The following SVIL variants were observed in gnomAD, a reference collection of about 807,000 sequenced individuals.
SVIL encodes the protein archvillin.
In SVIL, 101 loss-of-function variants were observed where a neutral mutation model predicts 240.4. The ratio of observed to expected loss-of-function variants is 0.42; its 90% confidence interval spans 0.36 to 0.50. The LOEUF (loss-of-function observed/expected upper bound fraction) is 0.50, where lower values mean the gene tolerates loss of function less well. Among genes scored for constraint, SVIL ranks in the 20% least tolerant of loss-of-function variants. SVIL has a pLI of 0.01. For synonymous variants in SVIL, 999 were observed against 1,100.0 expected, an observed-to-expected ratio of 0.91 and a Z score of 1.82; for missense variants, 2,512 against 2,818.7, an observed-to-expected ratio of 0.89 and a Z score of 2.46.
chr10:29,609,305 TG>T (rs1263799206), intron 1 of SVIL, among the ~76,000 whole-genome samples: 2 of 152,184 alleles, frequency 1.3e-5, no homozygotes, highest in Non-Finnish European at 2.9e-5. Context: ...GCAACCCTTC[TG>T]GGGGCCCAGA....
chr10:29,503,470 CT>C (rs1949051989), intron 17 of SVIL, among the ~76,000 whole-genome samples: 1 of 152,122 alleles, frequency 6.6e-6, no homozygotes, highest in South Asian at 2.1e-4. Flanking sequence ...TGCTTTTTTT[CT>C]TCTCTGAACC....
At chr10:29,716,966 C>T (rs979435966) in intron 1 of SVIL, among the ~76,000 whole-genome samples, 3 of 152,208 alleles carry the variant, frequency 2.0e-5, no homozygotes, top group African/African-American at 4.8e-5. Flanking sequence ...AGCCGTGGCT[C>T]ACGCCTGTAA....
At chr10:29,523,382 C>T (rs1950687269) in intron 15 of SVIL, 69 bp downstream of exon 15, 1 of 1,431,932 alleles carries the variant, frequency 7.0e-7, no homozygotes, top group South Asian at 1.4e-5. Context: ...CCATCATAGA[C>T]ACAGGACAAA....
intron 1 of SVIL, among the ~76,000 whole-genome samples, chr10:29,720,023 T>C (rs1023045921): frequency 6.6e-6 from 1 of 152,084 alleles, no homozygotes; most frequent in African/African-American, 2.4e-5. Context: ...ACATTGCAAA[T>C]TGCTTAAAAC....
rs372986691 is a variant in SVIL, at chr10:29,679,199, C to T, written c.-301+7354G>A. 1.6e-3 allele frequency among the ~76,000 whole-genome samples: 236 copies of T among 152,170 alleles called. 1 individual carries two copies. Among genetic ancestry groups the T allele is most frequent in the African/African-American group, 5.4e-3 (226 of 41,502 alleles). On this transcript the variant is annotated intron_variant, in intron 2 of 35. Transcript: ENST00000375400. ...CAGCCTGGGCAACAGAGAGAGACTC[C>T]GTCACAAACAAACAAACAAACAAAA...
intron 29 of SVIL, among the ~76,000 whole-genome samples, chr10:29,475,649 T>C (rs914473898): frequency 1.3e-5 from 2 of 152,072 alleles, no homozygotes; most frequent in Non-Finnish European, 2.9e-5. Flanking sequence ...TGAATGATGC[T>C]AATCTGGAAG....
Position 29,550,980 on chromosome 10 carries a change from C to T in SVIL, c.444G>A (p.Lys148=). The change falls in exon 6 of 38, where the codon AAG becomes AAA. Residue 148 remains lysine, a synonymous_variant. Transcript: ENST00000355867. ...CCTGTTTGTCACTTTTTCCTCCCCG[C>T]TTCTCGACAGCATCAGGCTCCTTCC... The part of the protein sequence containing the change: ...KSRKEPDAVE[K]RGGKSDKQEE... The T allele has an allele frequency of 3.7e-6, 6 of 1,614,146 alleles. No homozygotes were observed. Among genetic ancestry groups the T allele is most frequent in the Non-Finnish European group, 5.1e-6 (6 of 1,180,016 alleles).
At chr10:29,537,929 A>T (rs1290369200) in intron 6 of SVIL, among the ~76,000 whole-genome samples, 2 of 152,156 alleles carry the variant, frequency 1.3e-5, no homozygotes, top group Non-Finnish European at 2.9e-5. Flanking sequence ...AAAAGTTAAG[A>T]TGTATGTAAA....
chr10:29,565,579 C>T (rs1354394728), intron 2 of SVIL, among the ~76,000 whole-genome samples: 2 of 152,144 alleles, frequency 1.3e-5, no homozygotes, highest in African/African-American at 2.4e-5. Flanking sequence ...GGGCAAAGCA[C>T]CTAAACCCAC....
intron 2 of SVIL, among the ~76,000 whole-genome samples, chr10:29,681,458 G>A (rs1589504804): frequency 6.8e-6 from 1 of 148,062 alleles, no homozygotes; most frequent in East Asian, 2.0e-4. Context: ...TGTTGAGAGA[G>A]AGAGAAGAAT....
Position 29,557,296 on chromosome 10 carries a change from C to T in SVIL, c.-50-2188G>A, listed in dbSNP as rs182210720. Among the ~76,000 whole-genome samples, 777 of 152,152 alleles carry T rather than the reference C, an allele frequency of 5.1e-3. 2 individuals carry two copies. Among genetic ancestry groups the T allele is most frequent in the Non-Finnish European group, 9.0e-3 (609 of 68,010 alleles). On this transcript the variant is annotated intron_variant, in intron 3 of 37. Transcript: ENST00000355867. ...TGTCTTTTGTGGAGACGGGGTTTCG[C>T]TATGTTATCCAGGATGGTCTTGAAC...
intron 3 of SVIL, among the ~76,000 whole-genome samples, chr10:29,641,555 C>T (rs903967225): frequency 7.3e-5 from 11 of 151,316 alleles, no homozygotes; most frequent in African/African-American, 2.4e-4. Flanking sequence ...GTGACAAGAA[C>T]GAAACTCCAT....
rs770045175 is a variant in SVIL at position 29,523,986 on chromosome 10, G to A, written c.2628C>T (p.Asn876=). ...TGGATGCTACGGTAGACACTGATGT[G>A]TTCACGGCAGGTGAGAAAGGAATGA... ...GKLIPFSPAV[N]TSVSTVASTV... The change falls in exon 15 of 38, where the codon AAC becomes AAT. Residue 876 remains asparagine, a synonymous_variant. Coordinates refer to ENST00000355867, the MANE Select transcript of SVIL (RefSeq NM_021738.3). 4 of 1,614,042 alleles carry A rather than the reference G, an allele frequency of 2.5e-6. No individual in the cohort carries two copies. Among genetic ancestry groups the A allele is most frequent in the Admixed American group, 1.7e-5 (1 of 60,010 alleles).
At chr10:29,652,499 C>T (rs946650720) in intron 3 of SVIL, among the ~76,000 whole-genome samples, 1 of 152,118 alleles carries the variant, frequency 6.6e-6, no homozygotes, top group Non-Finnish European at 1.5e-5. Flanking sequence ...ATGAATAATG[C>T]TGCTAGAAAT....
intron 1 of SVIL, among the ~76,000 whole-genome samples, chr10:29,622,249 CAAAAAAA>C (rs71020801): frequency 3.9e-5 from 2 of 51,632 alleles, no homozygotes; most frequent in Admixed American, 2.8e-4. Context: ...GACTCCGTCT[CAAAAAAA>C]AAAAAAAAAA....
In SVIL at chr10:29,735,677, A is replaced by C. The variant is rs1042626474; in HGVS notation, c.-400+74T>G. ...CGCCTCCCGCCCCGGAGCAGAGCGC[A>C]GCGGCGCGTCCTGGCGTCTGCCGGC... On this transcript the variant is annotated intron_variant, in intron 1 of 35. Transcript: ENST00000375400. The surrounding 1 kb of genome is among the most constrained non-coding windows in gnomAD (Gnocchi z 4.1). 2 of 151,630 alleles carry C rather than the reference A, an allele frequency of 1.3e-5. No homozygotes were observed. Among genetic ancestry groups the C allele is most frequent in the Non-Finnish European group, 2.9e-5 (2 of 67,964 alleles). 9.4% of individuals were successfully genotyped at this position (151,630 alleles called of 1,614,324 possible).
intron 3 of SVIL, among the ~76,000 whole-genome samples, chr10:29,657,040 G>A (rs1959028076): frequency 1.3e-5 from 2 of 152,130 alleles, no homozygotes; most frequent in South Asian, 4.1e-4. Flanking sequence ...TTGAAAGAGA[G>A]GTTACATGTC....
chr10:29,485,539 T>A (rs1947313759), intron 26 of SVIL, among the ~76,000 whole-genome samples: 1 of 152,352 alleles, frequency 6.6e-6, no homozygotes, highest in East Asian at 1.9e-4. Flanking sequence ...TGCCCATACA[T>A]GTCACACAGT....
rs146479378 is a variant in SVIL, at chr10:29,714,685, C to A, written c.-400+21066G>T. ...GACAAAAGAAAAAGGCTTGGCCGGGCGTGGTGACTCATGCCTGTAATCCCA... is the reference window on the plus strand; with the variant it reads ...GACAAAAGAAAAAGGCTTGGCCGGGAGTGGTGACTCATGCCTGTAATCCCA... On this transcript the variant is annotated intron_variant, in intron 1 of 35. Coordinates refer to the SVIL transcript ENST00000375400. 3.9e-3 allele frequency among the ~76,000 whole-genome samples: 592 copies of A among 152,076 alleles called. 3 individuals are homozygous for A. The highest frequency in any genetic ancestry group is 0.014 in the African/African-American group (564 of 41,512).
Sources: gnomAD v4.1 joint callset for allele counts (sites outside exome capture counted in the v4.1 genomes callset) on GRCh38, gnomAD v4.1.1 for gene constraint, Gnocchi (gnomAD v3.1) non-coding constraint, MANE v1.5 for transcripts, NCBI Gene and HGNC (gene_info 2026-07-23, HGNC 2026-07-21) for gene names.